The following HDAC9 variants were observed in gnomAD, a reference collection of about 807,000 sequenced individuals.
The protein encoded by HDAC9 is histone deacetylase 9, also known as MEF-2 interacting transcription repressor (MITR) protein.
In HDAC9, 41 loss-of-function variants were observed where a neutral mutation model predicts 139.4. The ratio of observed to expected loss-of-function variants is 0.29; its 90% CI spans 0.23 to 0.38. HDAC9 has a LOEUF of 0.38. Ranked by LOEUF, HDAC9 falls within the 10% of genes least tolerant of loss-of-function variation. The probability of loss-of-function intolerance (pLI) is 1.00; values close to 1 mark genes in which losing one functional copy is unlikely to be tolerated. For missense variants in HDAC9, 1,147 were observed against 1,297.0 expected (o/e 0.88, Z 1.78); for synonymous variants, 517 against 476.2 (o/e 1.09, Z -1.12).
intron 2 of HDAC9, among the ~76,000 whole-genome samples, chr7:18,210,591 C>G (rs749571837): frequency 2.6e-5 from 4 of 152,190 alleles, no homozygotes; most frequent in African/African-American, 7.2e-5. Context: ...GACACATAGA[C>G]TTCCAGAATC....
intron 1 of HDAC9, among the ~76,000 whole-genome samples, chr7:18,342,205 C>T (rs1397142612): frequency 6.6e-6 from 1 of 151,848 alleles, no homozygotes; most frequent in Non-Finnish European, 1.5e-5. Context: ...TCCCTCTCCT[C>T]TCTGATTCTT....
In HDAC9 at chr7:18,732,880, TGTGCGTATGTGTAC is replaced by T. The variant is rs1562893260; in HGVS notation, c.1909+5124_1909+5137del. ...GTGTGCGTATGTGTACACACACACGTGTGCGTATGTGTACACACACACGTGTGCGTATGTGTATA... is the reference window on the plus strand; with the variant it reads ...GTGTGCGTATGTGTACACACACACGTACACACACGTGTGCGTATGTGTATA... On this transcript the variant is annotated intron_variant, in intron 13 of 25. Transcript: ENST00000686413. Among the ~76,000 whole-genome samples, 54 of 106,262 alleles carry T rather than the reference TGTGCGTATGTGTAC, an allele frequency of 5.1e-4. 8 individuals carry two copies. Among genetic ancestry groups the T allele is most frequent in the East Asian group, 2.3e-3 (5 of 2,158 alleles). 69.7% of individuals were successfully genotyped at this position (106,262 alleles called of 152,430 possible). A position where few individuals can be genotyped will look rare whatever the true frequency, so the allele number is the denominator to read the frequency against.
intron 23 of HDAC9, among the ~76,000 whole-genome samples, chr7:18,936,786 A>G (rs377206631): frequency 3.3e-5 from 5 of 152,152 alleles, no homozygotes; most frequent in African/African-American, 1.2e-4. Flanking sequence ...TTAAAAATCT[A>G]TCATTCATAT....
intron 21 of HDAC9, among the ~76,000 whole-genome samples, chr7:18,855,324 T>C (rs1797598551): frequency 6.6e-6 from 1 of 152,152 alleles, no homozygotes; most frequent in Non-Finnish European, 1.5e-5. Context: ...GATTGACTGA[T>C]TGATTAGTGG....
chr7:18,152,102 C>T (rs374300413), intron 1 of HDAC9, among the ~76,000 whole-genome samples: 1 of 129,826 alleles, frequency 7.7e-6, no homozygotes, highest in African/African-American at 3.4e-5. Flanking sequence ...TGTGCTGTCC[C>T]ATTTTTTTTT....
intron 6 of HDAC9, among the ~76,000 whole-genome samples, chr7:18,610,655 G>A (rs1322168325): frequency 6.6e-6 from 1 of 152,186 alleles, no homozygotes; most frequent in Non-Finnish European, 1.5e-5. Flanking sequence ...TCTGTTTAGA[G>A]TTTTGTGTGG....
At chr7:18,747,193 T>C (rs1584964700) in intron 13 of HDAC9, among the ~76,000 whole-genome samples, 2 of 152,302 alleles carry the variant, frequency 1.3e-5, no homozygotes, top group East Asian at 3.9e-4. Context: ...GAGGGGCCTA[T>C]GTATGCTGGC....
chr7:18,611,217 T>G (rs1837040410), intron 6 of HDAC9, among the ~76,000 whole-genome samples: 1 of 152,160 alleles, frequency 6.6e-6, no homozygotes, highest in Non-Finnish European at 1.5e-5. Context: ...CCACACTGTG[T>G]TTTTCCATAG....
intron 17 of HDAC9, among the ~76,000 whole-genome samples, chr7:18,806,222 T>A (rs1311689237): frequency 2.0e-5 from 3 of 152,248 alleles, no homozygotes; most frequent in Admixed American, 6.5e-5. Context: ...TAACTTTCTA[T>A]TGCTGCTATA....
At chr7:18,310,799 A>G (rs1410834812) in intron 1 of HDAC9, among the ~76,000 whole-genome samples, 1 of 138,900 alleles carries the variant, frequency 7.2e-6, no homozygotes, top group Non-Finnish European at 1.5e-5. Flanking sequence ...ATCAACTTGT[A>G]CAAATCCATT....
intron 22 of HDAC9, among the ~76,000 whole-genome samples, chr7:18,883,568 C>CTA (rs1389464415): frequency 1.3e-5 from 2 of 152,142 alleles, no homozygotes; most frequent in African/African-American, 4.8e-5. Context: ...TATGATAAGG[C>CTA]TATAAATACA....
intron 8 of HDAC9, among the ~76,000 whole-genome samples, chr7:18,636,433 G>T (rs1438011276): frequency 6.6e-6 from 1 of 151,954 alleles, no homozygotes; most frequent in Non-Finnish European, 1.5e-5. Flanking sequence ...ACTTATCATG[G>T]CACCACATTT....
At chr7:18,835,644 G>T in intron 20 of HDAC9, 58 bp downstream of exon 20, 2 of 1,591,712 alleles carry the variant, frequency 1.3e-6, no homozygotes, top group Non-Finnish European at 1.7e-6. Context: ...TAATTGCATT[G>T]CATGATTACC....
chr7:18,127,780 C>T (rs750513103), intron 1 of HDAC9, among the ~76,000 whole-genome samples: 1 of 151,872 alleles, frequency 6.6e-6, no homozygotes, highest in Non-Finnish European at 1.5e-5. Flanking sequence ...GGTATTTTTC[C>T]CACAGAACCT....
intron 13 of HDAC9, among the ~76,000 whole-genome samples, chr7:18,732,642 T>C (rs1786214269): frequency 8.1e-6 from 1 of 123,030 alleles, no homozygotes; most frequent in Non-Finnish European, 1.7e-5. Context: ...TATGTGTGCA[T>C]ATGTGTATAT....
intron 1 of HDAC9, among the ~76,000 whole-genome samples, chr7:18,437,815 G>A (rs1280546293): frequency 6.6e-6 from 1 of 150,934 alleles, no homozygotes; most frequent in African/African-American, 2.4e-5. Flanking sequence ...AGAATAAAAA[G>A]GGAAAGTCCC....
chr7:18,189,625 C>T (rs1422766266), intron 2 of HDAC9, among the ~76,000 whole-genome samples: 2 of 152,060 alleles, frequency 1.3e-5, no homozygotes, highest in African/African-American at 4.8e-5. Flanking sequence ...CCCAAAGACC[C>T]AGAACACAGG....
Position 18,552,327 on chromosome 7 carries a change from AT to A in HDAC9, c.23-32947del, listed in dbSNP as rs547222743. On this transcript the variant is annotated intron_variant, in intron 2 of 25. Transcript: ENST00000686413. ...GCAGACTATTTGGAAATTAATTTGC[AT>A]TTTTTTGGTGTGTATTTATATTGTC... is the stretch of plus-strand genomic sequence containing the variant. Among the ~76,000 whole-genome samples the A allele has an allele frequency of 3.2e-4, 48 of 152,024 alleles. No individual in the cohort carries two copies. The East Asian group carries it at 5.8e-3, about 18-fold the overall frequency.
chr7:18,446,596 G>A (rs1021519988), intron 1 of HDAC9, among the ~76,000 whole-genome samples: 1 of 152,106 alleles, frequency 6.6e-6, no homozygotes, highest in Admixed American at 6.5e-5. Context: ...AAGTGAAACT[G>A]TCTTTCTGCC....
Sources: allele counts gnomAD v4.1 joint callset (sites outside exome capture counted in the v4.1 genomes callset), GRCh38; gene constraint gnomAD v4.1.1; transcripts MANE v1.5; gene names NCBI Gene and HGNC (gene_info 2026-07-23, HGNC 2026-07-21).